CNR1: variants seen among roughly 807,000 people sequenced by gnomAD.
CNR1 encodes cannabinoid receptor 1 (brain).
A neutral mutation model predicts 23.0 loss-of-function variants in CNR1; 10 were observed. The observed-to-expected ratio is 0.43, with a 90% CI of 0.27 to 0.74. The LOEUF is 0.74. Ranked by LOEUF, CNR1 falls within the 30% of genes least tolerant of loss-of-function variation. The pLI is 0.19. For synonymous variants in CNR1, 271 were observed against 255.2 expected (o/e 1.06, Z -0.59); for missense variants, 422 against 618.8 (o/e 0.68, Z 3.37).
At chr6:88,158,168 A>T (rs772757127) in intron 1 of CNR1, among the ~76,000 whole-genome samples, 21 of 152,222 alleles carry the variant, frequency 1.4e-4, no homozygotes, top group Non-Finnish European at 2.9e-4. Flanking sequence ...GTAGCAATGC[A>T]AAATATGCTC....
intron 1 of CNR1, among the ~76,000 whole-genome samples, chr6:88,148,604 C>T (rs545258556): frequency 1.3e-5 from 2 of 152,192 alleles, no homozygotes; most frequent in South Asian, 4.1e-4. Flanking sequence ...GCCTGGAGAG[C>T]TGCCCAATCC....
In CNR1 at chr6:88,148,764, T is replaced by A. The variant is rs374531891; in HGVS notation, c.-63-3427A>T. ...GAGAGGCAAACAAGAATATTGGCAA[T>A]GCCATACCAAATGGTGAACAGAGAA... On this transcript the variant is annotated intron_variant, in intron 1 of 1. Transcript: ENST00000369501. Among the ~76,000 whole-genome samples, 6 of 152,316 alleles carry A rather than the reference T, an allele frequency of 3.9e-5. No homozygotes were observed. The East Asian group carries it at 9.7e-4, about 25-fold the overall frequency.
At chr6:88,155,293 G>C (rs920598556) in intron 1 of CNR1, among the ~76,000 whole-genome samples, 1 of 152,170 alleles carries the variant, frequency 6.6e-6, no homozygotes, top group Non-Finnish European at 1.5e-5. Flanking sequence ...ATGCACAATA[G>C]AGAAAATCCT....
In CNR1 at chr6:88,143,672, G is replaced by A; in HGVS notation, c.*184C>T. On this transcript the variant is annotated 3_prime_UTR_variant, in exon 2 of 2. Transcript: ENST00000369501. ...GCTTTCTTCACTGTAAACCCCTGGAGAATGGAGTTTGAGTACCTAAACTAT... is the reference window on the plus strand; with the variant it reads ...GCTTTCTTCACTGTAAACCCCTGGAAAATGGAGTTTGAGTACCTAAACTAT... 1 of 591,834 alleles carries A rather than the reference G, an allele frequency of 1.7e-6. No individual in the cohort carries two copies. Among genetic ancestry groups the A allele is most frequent in the South Asian group, 2.1e-5 (1 of 48,646 alleles). The allele number at this position is 591,834 out of a possible 1,614,324, so 36.7% of individuals were successfully genotyped here.
At chr6:88,146,573 G>A (rs372703852) in intron 1 of CNR1, among the ~76,000 whole-genome samples, 2 of 152,292 alleles carry the variant, frequency 1.3e-5, no homozygotes, top group South Asian at 2.1e-4. Flanking sequence ...AAGGTTCTTC[G>A]ATTCTAAGCT....
chr6:88,165,179 T>C (rs992820184), intron 1 of CNR1, among the ~76,000 whole-genome samples: 2 of 152,214 alleles, frequency 1.3e-5, no homozygotes, highest in Non-Finnish European at 2.9e-5. Flanking sequence ...CAAACATATT[T>C]TTATTTGAGA....
intron 1 of CNR1, among the ~76,000 whole-genome samples, chr6:88,146,761 C>A (rs2127832729): frequency 6.6e-6 from 1 of 152,240 alleles, no homozygotes; most frequent in East Asian, 1.9e-4. Flanking sequence ...TGTTAATTGG[C>A]ATTTGTTGTT....
At position 88,157,947 on chromosome 6, in the gene CNR1, A is replaced by G. The variant is rs76433977; in HGVS notation, c.-64+7856T>C. Among the ~76,000 whole-genome samples, 1,373 of 152,320 alleles carry G rather than the reference A, an allele frequency of 9.0e-3. 14 individuals carry two copies. Among genetic ancestry groups the G allele is most frequent in the African/African-American group, 0.031 (1,299 of 41,570 alleles). The stretch of plus-strand genomic sequence containing the variant: ...ATTTCCTTCCTATCATTCTCTCACT[A>G]AAATAATTTTAAATAAGTTTTTATT... On this transcript the variant is annotated intron_variant, in intron 1 of 1. Coordinates refer to ENST00000369501, the MANE Select transcript of CNR1 (RefSeq NM_016083.6).
chr6:88,166,567 G>C (rs1419571104), upstream of CNR1, among the ~76,000 whole-genome samples: 2 of 152,114 alleles, frequency 1.3e-5, no homozygotes, highest in Non-Finnish European at 2.9e-5. Context: ...TTCGGCCCGC[G>C]TCACCTACTT....
chr6:88,167,011 G>C (rs1778396860), upstream of CNR1, among the ~76,000 whole-genome samples: 1 of 151,864 alleles, frequency 6.6e-6, no homozygotes, highest in African/African-American at 2.4e-5. Context: ...TCGGGGCGCC[G>C]CCCAGCTTCG....
intron 1 of CNR1, among the ~76,000 whole-genome samples, chr6:88,151,832 C>T (rs1380986208): frequency 1.3e-5 from 2 of 151,930 alleles, no homozygotes; most frequent in Admixed American, 1.3e-4. Flanking sequence ...TCTGTTATAT[C>T]CAGCCATTTG....
At chr6:88,146,712 C>T (rs62417861) in intron 1 of CNR1, among the ~76,000 whole-genome samples, 2,418 of 152,210 alleles carry the variant, frequency 0.016, 27 homozygotes, top group Middle Eastern at 0.037. Flanking sequence ...AGAGTGATAT[C>T]TATAACAATT....
chr6:88,144,757 C>G lies in CNR1; in HGVS notation c.518G>C (p.Ser173Thr). The change falls in exon 2 of 2, where the codon AGC (serine) becomes ACC (threonine). Residue 173 changes from serine to threonine, a missense_variant. Transcript: ENST00000369501. The surrounding 1 kb of genome is among the most constrained non-coding windows in gnomAD (Gnocchi z 7.8). Reference protein sequence around the residue: ...DLLGSVIFVYSFIDFHVFHRK... With the variant: ...DLLGSVIFVYTFIDFHVFHRK... ...GTGGAACACGTGGAAGTCAATGAAGCTGTAGACAAAAATGACACTCCCCAG... is the reference window on the plus strand; with the variant it reads ...GTGGAACACGTGGAAGTCAATGAAGGTGTAGACAAAAATGACACTCCCCAG... The G allele has an allele frequency of 6.2e-7, 1 of 1,614,150 alleles. No homozygotes were observed. The highest frequency in any genetic ancestry group is 8.5e-7 in the Non-Finnish European group (1 of 1,180,024).
chr6:88,150,854 C>G (rs991442713), intron 1 of CNR1, among the ~76,000 whole-genome samples: 1 of 152,198 alleles, frequency 6.6e-6, no homozygotes, highest in African/African-American at 2.4e-5. Flanking sequence ...AGTTGTTTAG[C>G]AAACATAAGT....
Position 88,144,359 on chromosome 6 carries a change from C to G in CNR1, c.916G>C (p.Val306Leu), listed in dbSNP as rs568621412. ...TGGGTGCCACGCTGAATCATGCGGA[C>G]GGCGTGGCTGTGAGCCTTCCAGAGA... The part of the protein sequence containing the change: ...YILWKAHSHA[V>L]RMIQRGTQKS... The change falls in exon 2 of 2, where the codon GTC becomes CTC. Residue 306 changes from valine (V) to leucine (L), a missense_variant. Val to Leu is a conservative substitution (Grantham distance 32, BLOSUM62 1). Transcript: ENST00000369501. This position sits in a 1 kb window ranked among gnomAD's most constrained non-coding sequence, Gnocchi z 7.8. The G allele has an allele frequency of 6.2e-7, 1 of 1,613,802 alleles. No individual in the cohort carries two copies. The highest frequency in any genetic ancestry group is 8.5e-7 in the Non-Finnish European group (1 of 1,180,032).
chr6:88,148,276 CCAAA>C (rs904231828), intron 1 of CNR1, among the ~76,000 whole-genome samples: 5 of 152,280 alleles, frequency 3.3e-5, no homozygotes, highest in African/African-American at 7.2e-5. Flanking sequence ...CCCAGAATAC[CCAAA>C]CAGAGTTCTA....
At chr6:88,154,972 A>G (rs906587914) in intron 1 of CNR1, among the ~76,000 whole-genome samples, 4 of 152,242 alleles carry the variant, frequency 2.6e-5, no homozygotes, top group African/African-American at 9.6e-5. Flanking sequence ...AATACTCTAT[A>G]AAATTATCTT....
chr6:88,148,240 A>T (rs1330313351), intron 1 of CNR1, among the ~76,000 whole-genome samples: 1 of 152,108 alleles, frequency 6.6e-6, no homozygotes, highest in East Asian at 1.9e-4. Context: ...CCTGCTTCCC[A>T]TGGCGATGAA....
At chr6:88,164,410 G>T (rs1778261735) in intron 1 of CNR1, 1 of 152,370 alleles carries the variant, frequency 6.6e-6, no homozygotes, top group Non-Finnish European at 1.5e-5. Flanking sequence ...AACTGCCATT[G>T]TGCCTACAAA....
Sources: allele counts gnomAD v4.1 joint callset (sites outside exome capture counted in the v4.1 genomes callset), GRCh38; gene constraint gnomAD v4.1.1; non-coding constraint Gnocchi (gnomAD v3.1); transcripts MANE v1.5; gene names NCBI Gene and HGNC (gene_info 2026-07-23, HGNC 2026-07-21).